Variants in ABCA4 observed in about 807,000 individuals in gnomAD.
The protein encoded by ABCA4 is ATP binding cassette subfamily A member 4.
ABCA4 carries 196 observed loss-of-function variants against 263.7 expected under a neutral mutation model. The observed-to-expected ratio is 0.74, with a 90% CI of 0.66 to 0.84. The LOEUF (loss-of-function observed/expected upper bound fraction) is 0.84. Ranked by LOEUF, ABCA4 falls within the 40% of genes least tolerant of loss-of-function variation. ABCA4 has a pLI of 0.00. For synonymous variants in ABCA4, 1,133 were observed against 1,094.2 expected, an observed-to-expected ratio of 1.04 and a Z score of -0.70; for missense variants, 2,792 against 2,855.1, an observed-to-expected ratio of 0.98 and a Z score of 0.50.
intron 4 of ABCA4, among the ~76,000 whole-genome samples, chr1:94,105,151 A>G (rs1286149141): frequency 6.6e-6 from 1 of 152,190 alleles, no homozygotes; most frequent in African/African-American, 2.4e-5. Flanking sequence ...CCTCTCTCTG[A>G]CACCCAGCAT....
intron 9 of ABCA4, 90 bp from the exon 10 acceptor site, chr1:94,078,796 T>A: frequency 1.1e-6 from 1 of 898,824 alleles, no homozygotes; most frequent in Non-Finnish European, 1.9e-6. Context: ...CCCTATCACT[T>A]AGTGTTAGGG....
At chr1:94,033,827 T>A (rs887222903) in intron 26 of ABCA4, among the ~76,000 whole-genome samples, 2 of 152,116 alleles carry the variant, frequency 1.3e-5, no homozygotes, top group East Asian at 3.9e-4. Context: ...AGAGCCCCAG[T>A]TCTGCAGGCT....
At position 94,083,461 on chromosome 1, in the gene ABCA4, A is replaced by G. The variant is rs1371995926; in HGVS notation, c.769-20T>C. ...GGGAAGCTGTAATTGACAGTAAAACAATTTTTTAAATATATATATGTTTGT... is the reference window on the plus strand; with the variant it reads ...GGGAAGCTGTAATTGACAGTAAAACGATTTTTTAAATATATATATGTTTGT... On this transcript the variant is annotated intron_variant, in intron 6 of 49. Transcript: ENST00000370225. 1 of 1,570,872 alleles carries G rather than the reference A, an allele frequency of 6.4e-7. No individual in the cohort carries two copies. Among genetic ancestry groups the G allele is most frequent in the Non-Finnish European group, 8.8e-7 (1 of 1,141,778 alleles).
At chr1:94,044,088 C>CGCTT (rs1660601057) in intron 20 of ABCA4, among the ~76,000 whole-genome samples, 7 of 75,940 alleles carry the variant, frequency 9.2e-5, no homozygotes, top group African/African-American at 2.6e-4. Flanking sequence ...CTCCCTCCCT[C>CGCTT]CCTTCTTTCC....
At chr1:94,069,747 T>C (rs1345603869) in intron 11 of ABCA4, among the ~76,000 whole-genome samples, 1 of 152,186 alleles carries the variant, frequency 6.6e-6, no homozygotes, top group African/African-American at 2.4e-5. Context: ...TTGGTTGGAA[T>C]GGTGAGTTAG....
chr1:94,022,278 C>T (rs1659924788), intron 32 of ABCA4, among the ~76,000 whole-genome samples: 1 of 152,228 alleles, frequency 6.6e-6, no homozygotes, highest in Admixed American at 6.5e-5. Flanking sequence ...CCCAGACTGC[C>T]TGCATGTCTC....
chr1:94,111,975 C>G (rs1662619049), intron 2 of ABCA4, among the ~76,000 whole-genome samples: 2 of 152,204 alleles, frequency 1.3e-5, no homozygotes, highest in Non-Finnish European at 2.9e-5. Flanking sequence ...GCACCTACCC[C>G]AAGCATGCAG....
Position 94,047,018 on chromosome 1 carries a change from G to C in ABCA4, c.2819C>G (p.Pro940Arg), listed in dbSNP as rs144995371. The C allele has an allele frequency of 6.3e-4, 1,019 of 1,614,002 alleles. 1 individual carries two copies. The highest frequency in any genetic ancestry group is 8.4e-4 in the Non-Finnish European group (990 of 1,180,050). ...CVKNLVKIFE[P>R]CGRPAVDRLN... ...ACGGTCCACAGCTGGCCGGCCACAG[G>C]GCTCAAAAATCTTTACCAGATTCTT... The change falls in exon 19 of 50, where the codon CCC becomes CGC. Residue 940 changes from proline to arginine, a missense_variant. Transcript: ENST00000370225.
intron 1 of ABCA4, among the ~76,000 whole-genome samples, chr1:94,120,108 A>G (rs1460550896): frequency 6.6e-6 from 1 of 152,202 alleles, no homozygotes; most frequent in African/African-American, 2.4e-5. Flanking sequence ...CCTTTCCCAG[A>G]AAAAATTGCA....
intron 11 of ABCA4, among the ~76,000 whole-genome samples, chr1:94,077,125 A>C (rs1661555973): frequency 1.3e-5 from 2 of 152,246 alleles, no homozygotes. Context: ...AGTAACACTC[A>C]GTAAGTGACA....
In ABCA4 at chr1:93,992,972, CG is replaced by C. The variant is rs1658909713; in HGVS notation, c.*264del. ...GGCCAAAGCTGCTAGTGGGATGGCCCGGGGTTTCTAGTTCTGGGGTCTGGAG... is the reference window on the plus strand; with the variant it reads ...GGCCAAAGCTGCTAGTGGGATGGCCCGGGTTTCTAGTTCTGGGGTCTGGAG... On this transcript the variant is annotated 3_prime_UTR_variant, in exon 50 of 50. Coordinates refer to ENST00000370225, the MANE Select transcript of ABCA4 (RefSeq NM_000350.3). The C allele has an allele frequency of 3.7e-6, 2 of 541,628 alleles. No individual in the cohort carries two copies. Among genetic ancestry groups the C allele is most frequent in the African/African-American group, 1.9e-5 (1 of 52,584 alleles). The allele number at this position is 541,628 out of a possible 1,614,324, so 33.6% of individuals were successfully genotyped here.
At chr1:94,021,536 A>G (rs1256588842) in intron 34 of ABCA4, 104 bp downstream of exon 34, 2 of 1,502,300 alleles carry the variant, frequency 1.3e-6, no homozygotes, top group Middle Eastern at 1.8e-4. Flanking sequence ...GCTAGATTTC[A>G]GCAGGAGGAG....
chr1:94,063,407 C>T, intron 11 of ABCA4, 90 bp from the exon 12 acceptor site: 1 of 1,285,124 alleles, frequency 7.8e-7, no homozygotes, highest in Non-Finnish European at 1.1e-6. Context: ...ATAAGGGCTG[C>T]TGTCCCAGGA....
chr1:94,119,694 A>G (rs78906651), intron 1 of ABCA4, among the ~76,000 whole-genome samples: 1 of 152,022 alleles, frequency 6.6e-6, no homozygotes, highest in Non-Finnish European at 1.5e-5. Context: ...GTGTCCTGCA[A>G]TTGCTACCTC....
At chr1:94,017,103 T>C (rs1401374336) in intron 36 of ABCA4, among the ~76,000 whole-genome samples, 1 of 152,172 alleles carries the variant, frequency 6.6e-6, no homozygotes, top group African/African-American at 2.4e-5. Flanking sequence ...CATGACTGCA[T>C]ACAGAGATAA....
Position 94,111,558 on chromosome 1 carries a change from AT to A in ABCA4, c.181del (p.Met61CysfsTer17). 1 of 1,614,254 alleles carries A rather than the reference AT, an allele frequency of 6.2e-7. No homozygotes were observed. Among genetic ancestry groups the A allele is most frequent in the Middle Eastern group, 1.6e-4 (1 of 6,062 alleles). ...HHECHFPNKA[M>X]PSAGMLPWLQ... ...CCACGGCAGCATTCCTGCTGAGGGCATCGCCTTGTTGGGGAAATGGCCTTTA... is the reference window on the plus strand; with the variant it reads ...CCACGGCAGCATTCCTGCTGAGGGCACGCCTTGTTGGGGAAATGGCCTTTA... On this transcript the variant is annotated frameshift_variant, in exon 3 of 50. Coordinates refer to ENST00000370225, the MANE Select transcript of ABCA4 (RefSeq NM_000350.3). LOFTEE classifies it high-confidence loss of function.
At chr1:94,108,040 C>T (rs966969580) in intron 4 of ABCA4, among the ~76,000 whole-genome samples, 6 of 152,148 alleles carry the variant, frequency 3.9e-5, no homozygotes, top group Non-Finnish European at 8.8e-5. Flanking sequence ...CCATACACAC[C>T]CCCAGCCCTG....
chr1:94,010,960 A>G (rs1659529522), intron 39 of ABCA4, 31 bp from the exon 40 acceptor site: 1 of 1,613,792 alleles, frequency 6.2e-7, no homozygotes, highest in Non-Finnish European at 8.5e-7. Flanking sequence ...AGTCCACTTC[A>G]GCCGCCCCAG....
intron 12 of ABCA4, 61 bp from the exon 13 acceptor site, chr1:94,062,814 C>T (rs767802649): frequency 1.2e-5 from 19 of 1,543,164 alleles, no homozygotes; most frequent in African/African-American, 2.7e-5. Context: ...TCACACCTCC[C>T]GACCACAGGG....
Sources: gnomAD v4.1 joint callset for allele counts (sites outside exome capture counted in the v4.1 genomes callset) on GRCh38, gnomAD v4.1.1 for gene constraint, MANE v1.5 for transcripts, NCBI Gene and HGNC (gene_info 2026-07-23, HGNC 2026-07-21) for gene names.